The following EP400 variants were observed in gnomAD, a reference collection of about 807,000 sequenced individuals.
EP400 encodes E1A binding protein p400.
EP400 carries 105 observed loss-of-function variants against 354.1 expected under a neutral mutation model. That is an observed-to-expected ratio of 0.30 (90% CI 0.25 to 0.35). The LOEUF (loss-of-function observed/expected upper bound fraction) is 0.35. Among genes scored for constraint, EP400 ranks in the 10% least tolerant of loss-of-function variants. The pLI is 1.00. For synonymous variants in EP400, 1,646 were observed against 1,716.9 expected (o/e 0.96, Z 1.02); for missense variants, 3,280 against 4,121.0 (o/e 0.80, Z 5.59).
Position 132,025,836 on chromosome 12 carries a change from C to T in EP400, c.5014+32C>T, listed in dbSNP as rs1224387332. ...TGCTCTGAGCAGGAGGGAGACTTGG[C>T]TTGGATGCTTCTTTCTCTTCCATCT... On this transcript the variant is annotated intron_variant, in intron 25 of 52. Transcript: ENST00000389561. This position sits in a 1 kb window ranked among gnomAD's most constrained non-coding sequence, Gnocchi z 4.1. 6.5e-7 allele frequency: 1 copy of T among 1,540,162 alleles called. No individual in the cohort carries two copies. Among genetic ancestry groups the T allele is most frequent in the South Asian group, 1.2e-5 (1 of 81,126 alleles).
At chr12:131,953,126 C>T (rs1891572672) in intron 1 of EP400, among the ~76,000 whole-genome samples, 2 of 152,136 alleles carry the variant, frequency 1.3e-5, no homozygotes, top group African/African-American at 2.4e-5. Context: ...GATTTGTGGC[C>T]TCCCGAAGAT....
At chr12:132,049,406 G>A (rs960949675) in intron 39 of EP400, among the ~76,000 whole-genome samples, 1 of 152,234 alleles carries the variant, frequency 6.6e-6, no homozygotes, top group African/African-American at 2.4e-5. Context: ...GCAGACTGCT[G>A]TGGCCTTGCA....
At chr12:132,032,447 C>T (rs1237473974) in intron 30 of EP400, among the ~76,000 whole-genome samples, 1 of 152,210 alleles carries the variant, frequency 6.6e-6, no homozygotes, top group Non-Finnish European at 1.5e-5. Flanking sequence ...GCTGCTCACA[C>T]AAGTCATCTT....
intron 5 of EP400, among the ~76,000 whole-genome samples, chr12:131,982,826 C>G (rs1454318106): frequency 6.6e-6 from 1 of 151,994 alleles, no homozygotes; most frequent in African/African-American, 2.4e-5. Context: ...AAAAATTAGC[C>G]AGGCGTGGTG....
chr12:132,061,025 G>A (rs1405265583), intron 45 of EP400, among the ~76,000 whole-genome samples: 1 of 152,206 alleles, frequency 6.6e-6, no homozygotes, highest in East Asian at 1.9e-4. Context: ...CAGAAGAAAG[G>A]TGTTCCCAGC....
chr12:131,968,435 G>A (rs1892175466), intron 2 of EP400, among the ~76,000 whole-genome samples: 1 of 152,112 alleles, frequency 6.6e-6, no homozygotes, highest in Non-Finnish European at 1.5e-5. Context: ...CTCTTTATGT[G>A]TTTTTCTCTG....
intron 30 of EP400, among the ~76,000 whole-genome samples, chr12:132,035,654 G>A (rs535297900): frequency 2.7e-5 from 4 of 148,490 alleles, no homozygotes; most frequent in East Asian, 2.0e-4. Flanking sequence ...ACACAGCATC[G>A]TGGAACGACA....
intron 30 of EP400, among the ~76,000 whole-genome samples, chr12:132,034,620 C>T (rs765996298): frequency 6.6e-6 from 1 of 152,102 alleles, no homozygotes; most frequent in Non-Finnish European, 1.5e-5. Context: ...CTGTTGGTGT[C>T]GGGGCAGATA....
intron 45 of EP400, among the ~76,000 whole-genome samples, chr12:132,057,214 G>A (rs1895543464): frequency 6.6e-6 from 1 of 152,206 alleles, no homozygotes; most frequent in African/African-American, 2.4e-5. Flanking sequence ...CAACACCAAT[G>A]TTTATAGTGG....
rs558661290 is a variant in EP400, at chr12:131,960,734, G to A, written c.115G>A (p.Ala39Thr). The change falls in exon 2 of 53, where the codon GCA (alanine) becomes ACA (threonine). Residue 39 changes from alanine to threonine, a missense_variant. Transcript: ENST00000389561. ...PAHPNPPPSP[A>T]APFAPSASPS... is the part of the protein sequence containing the mutation. ...CCACCCCAACCCACCCCCGTCCCCCGCAGCTCCCTTCGCTCCCTCAGCAAG... is the reference window on the plus strand; with the variant it reads ...CCACCCCAACCCACCCCCGTCCCCCACAGCTCCCTTCGCTCCCTCAGCAAG... 1.4e-5 allele frequency: 4 copies of A among 293,614 alleles called. No homozygotes were observed. Among genetic ancestry groups the A allele is most frequent in the South Asian group, 9.7e-5 (2 of 20,538 alleles). 18.2% of individuals were successfully genotyped at this position (293,614 alleles called of 1,614,324 possible). A position where few individuals can be genotyped will look rare whatever the true frequency, so the allele number is the denominator to read the frequency against.
At chr12:132,061,514 G>A (rs1425542618) in intron 45 of EP400, among the ~76,000 whole-genome samples, 2 of 152,242 alleles carry the variant, frequency 1.3e-5, no homozygotes, top group Non-Finnish European at 2.9e-5. Flanking sequence ...GATTGCGTTT[G>A]CCTTCCAGTT....
At position 132,013,222 on chromosome 12, in the gene EP400, A is replaced by G; in HGVS notation, c.3611+44A>G. 1 of 1,565,224 alleles carries G rather than the reference A, an allele frequency of 6.4e-7. No homozygotes were observed. On this transcript the variant is annotated intron_variant, in intron 17 of 52. Coordinates refer to ENST00000389561, the MANE Select transcript of EP400 (RefSeq NM_015409.5). This position sits in a 1 kb window ranked among gnomAD's most constrained non-coding sequence, Gnocchi z 4.5. Reference sequence around the variant, plus strand: ...TGTCATTGAGTGTTCTTTGCTGTTGATGTAGAAGATTCTCTTGAAGAAATC... The same window carrying G: ...TGTCATTGAGTGTTCTTTGCTGTTGGTGTAGAAGATTCTCTTGAAGAAATC...
rs1895936173 is a variant in EP400, at chr12:132,067,699, G to C, written c.8874+213G>C. 6.6e-6 allele frequency among the ~76,000 whole-genome samples: 1 copy of C among 152,148 alleles called. No homozygotes were observed. Among genetic ancestry groups the C allele is most frequent in the Non-Finnish European group, 1.5e-5 (1 of 68,030 alleles). ...TGTGTGATGTGACAAGTGAGGCTGA[G>C]GTCTTGGCAGGGGGATGGAGGGGGT... On this transcript the variant is annotated intron_variant, in intron 50 of 52. Transcript: ENST00000389561. The surrounding 1 kb of genome is among the most constrained non-coding windows in gnomAD (Gnocchi z 5.3).
chr12:132,012,642 A>G (rs1278457459), intron 16 of EP400, among the ~76,000 whole-genome samples: 2 of 152,226 alleles, frequency 1.3e-5, no homozygotes, highest in Admixed American at 1.3e-4. Context: ...GTCAGTTGCA[A>G]TACAGATGTT....
intron 5 of EP400, among the ~76,000 whole-genome samples, chr12:131,983,939 T>C (rs950673224): frequency 1.3e-5 from 2 of 152,134 alleles, no homozygotes; most frequent in Non-Finnish European, 2.9e-5. Flanking sequence ...TTCGCTCTTG[T>C]TACCCAGGCT....
chr12:131,953,218 A>G (rs899257743), intron 1 of EP400, among the ~76,000 whole-genome samples: 6 of 152,204 alleles, frequency 3.9e-5, no homozygotes, highest in Non-Finnish European at 5.9e-5. Flanking sequence ...CAATTAGGAG[A>G]GAAACTTATA....
At chr12:131,977,307 T>C (rs947637295) in intron 2 of EP400, among the ~76,000 whole-genome samples, 1 of 151,644 alleles carries the variant, frequency 6.6e-6, no homozygotes, top group Non-Finnish European at 1.5e-5. Flanking sequence ...TGACTAATTT[T>C]TTTTTTTTTT....
At chr12:131,950,108 C>G (rs1435200184) in intron 1 of EP400, 72 bp downstream of exon 1, 1 of 151,800 alleles carries the variant, frequency 6.6e-6, no homozygotes, top group Non-Finnish European at 1.5e-5. Flanking sequence ...TCCGGGGTCG[C>G]GTAGCCGCAG....
At chr12:131,979,956 T>A (rs1892623032) in intron 3 of EP400, among the ~76,000 whole-genome samples, 163 bp downstream of exon 3, 2 of 152,240 alleles carry the variant, frequency 1.3e-5, no homozygotes, top group South Asian at 4.1e-4. Flanking sequence ...AATATTTACG[T>A]GAATTTTTCT....
Sources: allele counts gnomAD v4.1 joint callset (sites outside exome capture counted in the v4.1 genomes callset), GRCh38; gene constraint gnomAD v4.1.1; non-coding constraint Gnocchi (gnomAD v3.1); transcripts MANE v1.5; gene names NCBI Gene and HGNC (gene_info 2026-07-23, HGNC 2026-07-21).